The following TFAP2A variants were observed in gnomAD, a reference collection of about 807,000 sequenced individuals.
TFAP2A encodes the protein transcription factor AP-2-alpha.
A neutral mutation model predicts 41.5 loss-of-function variants in TFAP2A; 7 were observed. The ratio of observed to expected loss-of-function variants is 0.17; its 90% CI spans 0.10 to 0.32. The LOEUF is 0.32. Ranked by LOEUF, TFAP2A falls within the 10% of genes least tolerant of loss-of-function variation. TFAP2A has a pLI of 1.00. For synonymous variants in TFAP2A, 247 were observed against 242.8 expected (o/e 1.02, Z -0.16); for missense variants, 416 against 563.3 (o/e 0.74, Z 2.65).
chr6:10,398,337 A>G lies in TFAP2A; in HGVS notation c.*80T>C. On this transcript the variant is annotated 3_prime_UTR_variant, in exon 7 of 7. Transcript: ENST00000379613. The surrounding 1 kb of genome is among the most constrained non-coding windows in gnomAD (Gnocchi z 5.3). ...GTAGCAGCAGCAGGAAGGGTTGCTG[A>G]TCCCGGAGCTGTCACCCGCCGGAGG... is the stretch of plus-strand genomic sequence containing the variant. 1 of 1,579,526 alleles carries G rather than the reference A, an allele frequency of 6.3e-7. No homozygotes were observed. The highest frequency in any genetic ancestry group is 2.3e-5 in the East Asian group (1 of 43,144).
rs201936378 is a variant in TFAP2A at position 10,400,637 on chromosome 6, G to A, written c.890-48C>T. The A allele has an allele frequency of 6.8e-5, 109 of 1,610,186 alleles. 1 individual carries two copies. In the African/African-American group the frequency reaches 1.4e-3, roughly 21 times the overall value. ...AGCCAGTGCGAGAGAATGAAGAGTGGGGATCCTAACTTCCTCCCCACTCCC... is the reference window on the plus strand; with the variant it reads ...AGCCAGTGCGAGAGAATGAAGAGTGAGGATCCTAACTTCCTCCCCACTCCC... On this transcript the variant is annotated intron_variant, in intron 5 of 6. Transcript: ENST00000379613.
chr6:10,407,145 C>G (rs1757751488), intron 2 of TFAP2A: 1 of 422,778 alleles, frequency 2.4e-6, no homozygotes. Context: ...AGCACCTAAT[C>G]ATTCTCAGTC....
chr6:10,406,880 C>T, intron 2 of TFAP2A, 36 bp from the exon 3 acceptor site: 1 of 1,544,258 alleles, frequency 6.5e-7, no homozygotes, highest in Non-Finnish European at 9.0e-7. Flanking sequence ...GTAAGTGTAT[C>T]ATCAAAACAA....
chr6:10,411,757 G>A, intron 1 of TFAP2A: 1 of 1,485,036 alleles, frequency 6.7e-7, no homozygotes, highest in South Asian at 1.4e-5. Flanking sequence ...GAGCGCGGGA[G>A]CCCGGCTCGG....
upstream of TFAP2A, among the ~76,000 whole-genome samples, chr6:10,419,244 C>T (rs982522567): frequency 6.6e-6 from 1 of 152,206 alleles, no homozygotes; most frequent in Admixed American, 6.5e-5. Flanking sequence ...TGCCTGCGCC[C>T]GTTTTTCCTG....
upstream of TFAP2A, chr6:10,415,301 C>T (rs1317845263): frequency 5.1e-6 from 7 of 1,371,366 alleles, no homozygotes; most frequent in South Asian, 7.5e-5. Context: ...TTACCAACAG[C>T]CTAATCGCCT....
chr6:10,415,016 CT>C lies in TFAP2A; in HGVS notation c.-26del. 3.7e-6 allele frequency: 6 copies of C among 1,614,146 alleles called. No homozygotes were observed. The highest frequency in any genetic ancestry group is 5.1e-6 in the Non-Finnish European group (6 of 1,180,034). ...TGGATCGGCGTGAACGGATATGCCC[CT>C]CTCGGTCTCGCACCCAAGTGGAGCT... On this transcript the variant is annotated 5_prime_UTR_variant, in exon 1 of 7. Coordinates refer to ENST00000379613, the MANE Select transcript of TFAP2A (RefSeq NM_001372066.1).
rs1479064980 is a variant in TFAP2A, at chr6:10,398,638, T to C, written c.1099A>G (p.Asn367Asp). The change falls in exon 7 of 7, where the codon AAC becomes GAC. Residue 367 changes from asparagine (N) to aspartate (D), a missense_variant. This residue lies in a region of TFAP2A where 116 missense variants were observed against 153.8 expected (regional missense o/e 0.75). Transcript: ENST00000379613. The surrounding 1 kb of genome is among the most constrained non-coding windows in gnomAD (Gnocchi z 5.3). ...DRSPLGNSRP[N>D]PILEPGIQSC... ...TGGATGCCGGGCTCCAGGATGGGGT[T>C]GGGCCGTGAGTTCCCCAGGGGAGAT... is the stretch of plus-strand genomic sequence containing the variant. 1 of 1,614,132 alleles carries C rather than the reference T, an allele frequency of 6.2e-7. No homozygotes were observed. The highest frequency in any genetic ancestry group is 8.5e-7 in the Non-Finnish European group (1 of 1,179,994).
At position 10,402,497 on chromosome 6, in the gene TFAP2A, A is replaced by G; in HGVS notation, c.884T>C (p.Val295Ala). The change falls in exon 5 of 7, where the codon GTA becomes GCA. Residue 295 changes from valine to alanine, a missense_variant. Around this residue, in one of 3 missense-constraint regions of TFAP2A, gnomAD observed 59 missense variants for 135.4 expected, o/e 0.44. Coordinates refer to ENST00000379613, the MANE Select transcript of TFAP2A (RefSeq NM_001372066.1). ...AANVTLLTSL[V>A]EGEAVHLARD... The stretch of plus-strand genomic sequence containing the variant: ...TAGCAAGTGGATTCGCTTACCCTCT[A>G]CTAGTGATGTGAGCAGGGTAACGTT... 2 of 1,609,338 alleles carry G rather than the reference A, an allele frequency of 1.2e-6. No homozygotes were observed. The highest frequency in any genetic ancestry group is 1.7e-6 in the Non-Finnish European group (2 of 1,175,646).
chr6:10,413,034 G>T (rs1452562750), intron 1 of TFAP2A, among the ~76,000 whole-genome samples: 1 of 152,142 alleles, frequency 6.6e-6, no homozygotes, highest in Non-Finnish European at 1.5e-5. Flanking sequence ...CGACTGGCTG[G>T]GCCACTCCCG....
intron 1 of TFAP2A, chr6:10,412,702 G>C (rs886848982): frequency 2.7e-5 from 9 of 333,720 alleles, no homozygotes; most frequent in African/African-American, 1.8e-4. Context: ...TCCCGGCCCT[G>C]TCTGGCCGCG....
intron 1 of TFAP2A, chr6:10,411,495 G>C (rs1653137105): frequency 2.5e-6 from 4 of 1,612,738 alleles, no homozygotes; most frequent in South Asian, 2.2e-5. Context: ...CCGAGGTTTC[G>C]GGCAGCTCCA....
chr6:10,406,496 C>T, intron 3 of TFAP2A: 2 of 458,706 alleles, frequency 4.4e-6, no homozygotes, highest in Middle Eastern at 6.2e-4. Flanking sequence ...CAAACTGTTT[C>T]AAAATTGAAA....
At chr6:10,403,597 TTA>T (rs1176967845) in intron 4 of TFAP2A, among the ~76,000 whole-genome samples, 6 of 151,526 alleles carry the variant, frequency 4.0e-5, no homozygotes, top group African/African-American at 1.2e-4. Context: ...GTTCTCAGTA[TTA>T]TTAAAGAAGA....
intron 2 of TFAP2A, among the ~76,000 whole-genome samples, chr6:10,408,463 A>G (rs1017950302): frequency 2.6e-5 from 4 of 152,226 alleles, no homozygotes; most frequent in African/African-American, 7.2e-5. Flanking sequence ...AATATTTTCA[A>G]AGAACAAGCA....
intron 6 of TFAP2A, among the ~76,000 whole-genome samples, chr6:10,399,406 T>C (rs1025073889): frequency 1.3e-5 from 2 of 152,160 alleles, no homozygotes; most frequent in African/African-American, 2.4e-5. Flanking sequence ...AAAATAAAAA[T>C]ACTGCAGGGA....
intron 6 of TFAP2A, among the ~76,000 whole-genome samples, chr6:10,399,688 C>A (rs1353300180): frequency 6.6e-6 from 1 of 152,214 alleles, no homozygotes; most frequent in Admixed American, 6.5e-5. Flanking sequence ...CCCTCTGCTT[C>A]CATGCCCTCC....
In TFAP2A at chr6:10,404,852, C is replaced by G. The variant is rs979183640; in HGVS notation, c.539-113G>C. 14 of 895,714 alleles carry G rather than the reference C, an allele frequency of 1.6e-5. No individual in the cohort carries two copies. The East Asian group carries it at 3.1e-4, about 20-fold the overall frequency. The allele number at this position is 895,714 out of a possible 1,614,324, so 55.5% of individuals were successfully genotyped here. ...CGGATCCCAGGCTTTGGGCCACAGTCCCCGCTTTTCCGTCCGGCTCTGAAA... is the reference window on the plus strand; with the variant it reads ...CGGATCCCAGGCTTTGGGCCACAGTGCCCGCTTTTCCGTCCGGCTCTGAAA... On this transcript the variant is annotated intron_variant, in intron 3 of 6. Coordinates refer to ENST00000379613, the MANE Select transcript of TFAP2A (RefSeq NM_001372066.1).
At position 10,398,293 on chromosome 6, in the gene TFAP2A, GGCGGCA is replaced by G. The variant is rs1761864046; in HGVS notation, c.*118_*123del. On this transcript the variant is annotated 3_prime_UTR_variant, in exon 7 of 7. Transcript: ENST00000379613. This position sits in a 1 kb window ranked among gnomAD's most constrained non-coding sequence, Gnocchi z 5.3. ...ACCCAAGGGCAGCGGCGGCGGCGGCGGCGGCAGCAGCAGCAGCAGTAGCAGCAGCAG... is the reference window on the plus strand; with the variant it reads ...ACCCAAGGGCAGCGGCGGCGGCGGCGGCAGCAGCAGCAGTAGCAGCAGCAG... 2.5e-6 allele frequency: 4 copies of G among 1,587,880 alleles called. No individual in the cohort carries two copies. Among genetic ancestry groups the G allele is most frequent in the East Asian group, 4.5e-5 (2 of 44,198 alleles).
Sources: gnomAD v4.1 joint callset for allele counts (sites outside exome capture counted in the v4.1 genomes callset) on GRCh38, gnomAD v4.1.1 for gene constraint, gnomAD v4.1.1 regional missense constraint, Gnocchi (gnomAD v3.1) non-coding constraint, MANE v1.5 for transcripts, NCBI Gene and HGNC (gene_info 2026-07-23, HGNC 2026-07-21) for gene names.